The following ADCYAP1R1 variants were observed in gnomAD, a reference collection of about 807,000 sequenced individuals.
ADCYAP1R1 encodes the protein pituitary adenylate cyclase-activating polypeptide type I receptor.
A neutral mutation model predicts 67.6 loss-of-function variants in ADCYAP1R1; 44 were observed. That is an observed-to-expected ratio of 0.65 (90% CI 0.51 to 0.84). The LOEUF (loss-of-function observed/expected upper bound fraction) is 0.84, where lower values mean the gene tolerates loss of function less well. Among genes scored for constraint, ADCYAP1R1 ranks in the 40% least tolerant of loss-of-function variants. ADCYAP1R1 has a pLI of 0.00. For synonymous variants in ADCYAP1R1, 222 were observed against 219.6 expected (o/e 1.01, Z -0.10); for missense variants, 477 against 587.9 (o/e 0.81, Z 1.95).
intron 13 of ADCYAP1R1, chr7:31,100,180 G>A (rs1325780786): frequency 1.1e-5 from 17 of 1,550,502 alleles, no homozygotes; most frequent in Non-Finnish European, 1.4e-5. Context: ...CAGCACTCTT[G>A]CAAGATGTCA....
chr7:31,096,162 C>T (rs1357564324), intron 13 of ADCYAP1R1, among the ~76,000 whole-genome samples: 4 of 152,146 alleles, frequency 2.6e-5, no homozygotes, highest in Non-Finnish European at 5.9e-5. Flanking sequence ...AGAGCCTCAG[C>T]CCCCTGCCTT....
intron 15 of ADCYAP1R1, 110 bp downstream of exon 15, chr7:31,105,019 GC>G: frequency 2.6e-6 from 3 of 1,164,640 alleles, no homozygotes; most frequent in Non-Finnish European, 3.9e-6. Flanking sequence ...AGAGGGCTCT[GC>G]CAGGCTCCCA....
chr7:31,106,393 G>T, intron 15 of ADCYAP1R1, 103 bp from the exon 16 acceptor site: 1 of 1,385,628 alleles, frequency 7.2e-7, no homozygotes. Context: ...GGAGGGTGCT[G>T]AGGGTGGCAC....
At chr7:31,103,158 G>T in intron 13 of ADCYAP1R1, 79 bp from the exon 14 acceptor site, 3 of 1,562,268 alleles carry the variant, frequency 1.9e-6, no homozygotes, top group Non-Finnish European at 2.6e-6. Flanking sequence ...AGGGACTGGG[G>T]CTGAGTTCTC....
intron 6 of ADCYAP1R1, among the ~76,000 whole-genome samples, chr7:31,082,448 G>C (rs1456220508): frequency 6.6e-6 from 1 of 152,166 alleles, no homozygotes; most frequent in African/African-American, 2.4e-5. Flanking sequence ...AAAAAAGAAA[G>C]AAGGAAAATA....
At chr7:31,090,170 ACTT>A (rs1336318240) in intron 12 of ADCYAP1R1, among the ~76,000 whole-genome samples, 1 of 151,742 alleles carries the variant, frequency 6.6e-6, no homozygotes, top group Non-Finnish European at 1.5e-5. Context: ...CTACTTTTTA[ACTT>A]CTTCTGAGGT....
chr7:31,085,243 G>A, intron 8 of ADCYAP1R1, 67 bp from the exon 9 acceptor site: 1 of 1,559,512 alleles, frequency 6.4e-7, no homozygotes, highest in South Asian at 1.2e-5. Flanking sequence ...CACCACAGAT[G>A]CCCACATGGA....
intron 3 of ADCYAP1R1, among the ~76,000 whole-genome samples, chr7:31,074,160 A>C (rs1055006558): frequency 1.3e-5 from 2 of 152,198 alleles, no homozygotes; most frequent in African/African-American, 4.8e-5. Flanking sequence ...GTCCCTGTGC[A>C]CATAGGAAAC....
intron 1 of ADCYAP1R1, among the ~76,000 whole-genome samples, chr7:31,055,328 A>AGTGTGTGTGT (rs34731040): frequency 2.3e-4 from 34 of 148,414 alleles, no homozygotes; most frequent in Admixed American, 1.7e-3. Flanking sequence ...AATGGAGGAA[A>AGTGTGTGTGT]GTGTGTGTGT....
At position 31,106,556 on chromosome 7, in the gene ADCYAP1R1, G is replaced by A. The variant is rs763855179; in HGVS notation, c.1279G>A (p.Asp427Asn). The part of the protein sequence containing the change: ...SWKVNRYFAV[D>N]FKHRHPSLAS... ...GAAGGTGAACCGTTACTTCGCTGTG[G>A]ACTTCAAGCACCGACACCCGTCTCT... The change falls in exon 16 of 16, where the codon GAC (aspartate) becomes AAC (asparagine). Residue 427 changes from aspartate (D) to asparagine (N), a missense_variant. Coordinates refer to ENST00000304166, the MANE Select transcript of ADCYAP1R1 (RefSeq NM_001118.5). 1 of 1,614,008 alleles carries A rather than the reference G, an allele frequency of 6.2e-7. No individual in the cohort carries two copies. The highest frequency in any genetic ancestry group is 1.1e-5 in the South Asian group (1 of 91,062).
At chr7:31,081,591 C>G (rs1430013131) in intron 5 of ADCYAP1R1, 122 bp from the exon 6 acceptor site, 1 of 700,294 alleles carries the variant, frequency 1.4e-6, no homozygotes, top group Middle Eastern at 3.1e-4. Flanking sequence ...TGCCTCTTGG[C>G]CAGGACTCCA....
chr7:31,063,246 G>T lies in ADCYAP1R1; in HGVS notation c.-19G>T. 6.2e-7 allele frequency: 1 copy of T among 1,614,098 alleles called. No individual in the cohort carries two copies. On this transcript the variant is annotated 5_prime_UTR_variant, in exon 2 of 16. Transcript: ENST00000304166. ...CGCTGCTGTCAGTGGGAGGCCAGTG[G>T]TGCTGGCCAAGAAGTGTCATGGCTG...
intron 3 of ADCYAP1R1, among the ~76,000 whole-genome samples, chr7:31,072,720 G>A (rs1795042394): frequency 6.6e-6 from 1 of 152,064 alleles, no homozygotes; most frequent in Admixed American, 6.6e-5. Flanking sequence ...GGCCTGAGAG[G>A]CCCACGTCAT....
intron 3 of ADCYAP1R1, among the ~76,000 whole-genome samples, chr7:31,076,681 T>G (rs1478542654): frequency 6.6e-6 from 1 of 152,194 alleles, no homozygotes; most frequent in Non-Finnish European, 1.5e-5. Context: ...GGCTTCTGCC[T>G]GGCTGGCTTT....
At chr7:31,069,761 A>G (rs1221211234) in intron 3 of ADCYAP1R1, among the ~76,000 whole-genome samples, 1 of 152,128 alleles carries the variant, frequency 6.6e-6, no homozygotes, top group African/African-American at 2.4e-5. Context: ...CACTGAGGGG[A>G]GGCACCCATG....
rs560845656 is a variant in ADCYAP1R1, at chr7:31,086,207, T to C, written c.670-177T>C. 3.3e-5 allele frequency among the ~76,000 whole-genome samples: 5 copies of C among 152,346 alleles called. No homozygotes were observed. In the South Asian group the frequency reaches 1.0e-3, roughly 32 times the overall value. Reference sequence around the variant, plus strand: ...GTGCAGTTTTGCCTCCATGGGCAGCTTTGACTCAGAATCATGGGATGCTGC... The same window carrying C: ...GTGCAGTTTTGCCTCCATGGGCAGCCTTGACTCAGAATCATGGGATGCTGC... On this transcript the variant is annotated intron_variant, in intron 9 of 15. Coordinates refer to ENST00000304166, the MANE Select transcript of ADCYAP1R1 (RefSeq NM_001118.5). This position sits in a 1 kb window ranked among gnomAD's most constrained non-coding sequence, Gnocchi z 5.0.
At chr7:31,095,890 CT>C (rs1459860955) in intron 13 of ADCYAP1R1, 1 of 619,280 alleles carries the variant, frequency 1.6e-6, no homozygotes, top group Non-Finnish European at 2.9e-6. Context: ...CTCGTCCTCT[CT>C]GACCTGATGC....
chr7:31,081,182 A>G (rs1035928031), intron 5 of ADCYAP1R1, among the ~76,000 whole-genome samples: 5 of 152,074 alleles, frequency 3.3e-5, no homozygotes, highest in African/African-American at 4.8e-5. Context: ...CATTGCTAAC[A>G]GGGGGTTTGG....
Position 31,103,321 on chromosome 7 carries a change from C to T in ADCYAP1R1, c.1131C>T (p.Ser377=). ...TTGCCTTCTCCCCAGAGAATGTCAG[C>T]AAAAGGGAAAGACTCGTGTTTGAGC... ...TVFAFSPENV[S]KRERLVFELG... Residue 377 remains serine (S), a synonymous_variant, in exon 14 of 16, where the codon AGC becomes AGT. Transcript: ENST00000304166. 6.2e-7 allele frequency: 1 copy of T among 1,614,158 alleles called. No homozygotes were observed. The highest frequency in any genetic ancestry group is 1.1e-5 in the South Asian group (1 of 91,084).
Sources: allele counts gnomAD v4.1 joint callset (sites outside exome capture counted in the v4.1 genomes callset), GRCh38; gene constraint gnomAD v4.1.1; non-coding constraint Gnocchi (gnomAD v3.1); transcripts MANE v1.5; gene names NCBI Gene and HGNC (gene_info 2026-07-23, HGNC 2026-07-21).